The following CACNA1D variants were observed in gnomAD, a reference collection of about 807,000 sequenced individuals.
CACNA1D encodes calcium voltage-gated channel subunit alpha1 D.
Under a neutral mutation model 257.1 loss-of-function variants are expected in CACNA1D, and 55 were observed. The observed-to-expected ratio is 0.21, with a 90% confidence interval of 0.17 to 0.27. The LOEUF (loss-of-function observed/expected upper bound fraction) is 0.27. CACNA1D is among the 10% of genes least tolerant of loss of function. The probability of loss-of-function intolerance (pLI) is 1.00; values close to 1 mark genes in which losing one functional copy is unlikely to be tolerated. For synonymous variants in CACNA1D, 980 were observed against 1,014.9 expected (o/e 0.97, Z 0.65); for missense variants, 1,876 against 2,784.0 (o/e 0.67, Z 7.34).
At chr3:53,651,138 T>C (rs966958299) in intron 4 of CACNA1D, among the ~76,000 whole-genome samples, 1 of 152,162 alleles carries the variant, frequency 6.6e-6, no homozygotes, top group Non-Finnish European at 1.5e-5. Context: ...CTCCCGTTTT[T>C]AGTAACATGT....
chr3:53,508,393 C>G (rs182611688), intron 3 of CACNA1D, among the ~76,000 whole-genome samples: 54 of 152,166 alleles, frequency 3.5e-4, no homozygotes, highest in Admixed American at 3.5e-3. Context: ...ACAAGTCGCA[C>G]AGGTTTGTTG....
At chr3:53,661,661 G>A (rs2094204970) in intron 5 of CACNA1D, among the ~76,000 whole-genome samples, 1 of 152,196 alleles carries the variant, frequency 6.6e-6, no homozygotes, top group African/African-American at 2.4e-5. Context: ...TGTGTTGTGT[G>A]CAGACTTTGG....
intron 3 of CACNA1D, among the ~76,000 whole-genome samples, chr3:53,613,838 C>T (rs1229995785): frequency 2.6e-5 from 4 of 152,048 alleles, no homozygotes; most frequent in Non-Finnish European, 5.9e-5. Context: ...GCTGTTGGAT[C>T]TCACACTTGC....
At chr3:53,768,382 C>T (rs2095347337) in intron 30 of CACNA1D, among the ~76,000 whole-genome samples, 1 of 152,244 alleles carries the variant, frequency 6.6e-6, no homozygotes, top group Non-Finnish European at 1.5e-5. Flanking sequence ...TGCACACTCA[C>T]ACCCCACACT....
rs3774562 is a variant in CACNA1D at position 53,756,008 on chromosome 3, C to T, written c.3786+2326C>T. 4.3e-4 allele frequency among the ~76,000 whole-genome samples: 66 copies of T among 152,292 alleles called. No homozygotes were observed. The East Asian group carries it at 9.7e-3, about 22-fold the overall frequency. On this transcript the variant is annotated intron_variant, in intron 29 of 47. Transcript: ENST00000350061. ...CCTCCTCTCAGGAGAGCCTTTGTCT[C>T]ATGGGAGGAGCTTTGTAAAAGGGTC...
chr3:53,523,808 A>AT (rs1179987377), intron 3 of CACNA1D, among the ~76,000 whole-genome samples: 4 of 152,128 alleles, frequency 2.6e-5, no homozygotes, highest in African/African-American at 7.2e-5. Flanking sequence ...TCTAGAATCT[A>AT]TTTTTTGCAG....
At chr3:53,532,975 A>G (rs553860306) in intron 3 of CACNA1D, among the ~76,000 whole-genome samples, 1 of 152,310 alleles carries the variant, frequency 6.6e-6, no homozygotes, top group African/African-American at 2.4e-5. Flanking sequence ...CATTGGCCAC[A>G]ACTGCACAGC....
chr3:53,751,433 C>T lies in CACNA1D; in HGVS notation c.3517-316C>T, dbSNP rs1029624209. 2.0e-5 allele frequency among the ~76,000 whole-genome samples: 3 copies of T among 152,342 alleles called. No individual in the cohort carries two copies. The highest frequency in any genetic ancestry group is 2.1e-4 in the South Asian group (1 of 4,826). On this transcript the variant is annotated intron_variant, in intron 27 of 47. Transcript: ENST00000350061. This position sits in a 1 kb window ranked among gnomAD's most constrained non-coding sequence, Gnocchi z 4.3. ...CAGTCCTCACTCCTGCTTGTGTATA[C>T]ACTGCAGGGCCTCAGGAAAGACAGC... is the stretch of plus-strand genomic sequence containing the variant.
At chr3:53,593,076 G>A (rs574214112) in intron 3 of CACNA1D, among the ~76,000 whole-genome samples, 1 of 152,246 alleles carries the variant, frequency 6.6e-6, no homozygotes, top group African/African-American at 2.4e-5. Flanking sequence ...ACATATTCAC[G>A]CCTTTTTCAC....
intron 44 of CACNA1D, among the ~76,000 whole-genome samples, chr3:53,804,224 G>C (rs1286505994): frequency 6.6e-6 from 1 of 152,178 alleles, no homozygotes; most frequent in African/African-American, 2.4e-5. Context: ...AAGTGGAATG[G>C]CAGTGAGGTG....
chr3:53,661,306 A>G (rs2094201505), intron 5 of CACNA1D, among the ~76,000 whole-genome samples: 1 of 151,742 alleles, frequency 6.6e-6, no homozygotes, highest in Non-Finnish European at 1.5e-5. Flanking sequence ...ATTTGTTGGC[A>G]CTTAGAATGC....
intron 20 of CACNA1D, among the ~76,000 whole-genome samples, chr3:53,738,455 G>C (rs1192494611): frequency 6.6e-6 from 1 of 152,122 alleles, no homozygotes; most frequent in African/African-American, 2.4e-5. Flanking sequence ...ATAGAAGAAA[G>C]ACCTCTGTGT....
At chr3:53,660,928 T>A (rs1403941902) in intron 5 of CACNA1D, among the ~76,000 whole-genome samples, 1 of 152,194 alleles carries the variant, frequency 6.6e-6, no homozygotes, top group Admixed American at 6.5e-5. Flanking sequence ...AGAGAGAGTT[T>A]TAGCCGTTAG....
chr3:53,787,013 A>C, intron 40 of CACNA1D, 61 bp downstream of exon 40: 1 of 1,559,376 alleles, frequency 6.4e-7, no homozygotes, highest in Non-Finnish European at 8.8e-7. Context: ...CTTATTTGAA[A>C]TACTAGAGAG....
chr3:53,687,764 T>C (rs2094485846), intron 8 of CACNA1D, among the ~76,000 whole-genome samples: 1 of 152,206 alleles, frequency 6.6e-6, no homozygotes, highest in African/African-American at 2.4e-5. Context: ...AACAACTAGA[T>C]AATAGATGAG....
At position 53,626,422 on chromosome 3, in the gene CACNA1D, G is replaced by T. The variant is rs548474957; in HGVS notation, c.484-24357G>T. On this transcript the variant is annotated intron_variant, in intron 3 of 47. Coordinates refer to ENST00000350061, the MANE Select transcript of CACNA1D (RefSeq NM_001128840.3). ...GACCTGTGGGATAGGGATAACAGGT[G>T]CCGTGTGCATTGGCACACAGGAGGG... 1.1e-4 allele frequency among the ~76,000 whole-genome samples: 17 copies of T among 152,324 alleles called. No individual in the cohort carries two copies. The East Asian group carries it at 3.3e-3, about 29-fold the overall frequency.
intron 3 of CACNA1D, among the ~76,000 whole-genome samples, chr3:53,512,434 A>G (rs1231547730): frequency 6.6e-6 from 1 of 152,198 alleles, no homozygotes; most frequent in Non-Finnish European, 1.5e-5. Flanking sequence ...GTGGGACAAT[A>G]GTAGGTTAGA....
intron 3 of CACNA1D, among the ~76,000 whole-genome samples, chr3:53,509,769 C>G (rs1158068991): frequency 6.6e-6 from 1 of 152,204 alleles, no homozygotes; most frequent in East Asian, 1.9e-4. Context: ...TGCTCTTTCT[C>G]CTTCCCTTTC....
chr3:53,711,204 C>G (rs972544288), intron 9 of CACNA1D, among the ~76,000 whole-genome samples: 4 of 152,158 alleles, frequency 2.6e-5, no homozygotes, highest in Non-Finnish European at 5.9e-5. Flanking sequence ...CGATATTGCG[C>G]CATTACACTC....
Sources: allele counts gnomAD v4.1 joint callset (sites outside exome capture counted in the v4.1 genomes callset), GRCh38; gene constraint gnomAD v4.1.1; non-coding constraint Gnocchi (gnomAD v3.1); transcripts MANE v1.5; gene names NCBI Gene and HGNC (gene_info 2026-07-23, HGNC 2026-07-21).